The following CMKLR2 variants were observed in gnomAD, a reference collection of about 807,000 sequenced individuals.
CMKLR2 encodes the protein chemerin chemokine-like receptor 2.
Under a neutral mutation model 23.0 loss-of-function variants are expected in CMKLR2, and 18 were observed. The observed-to-expected ratio is 0.78, with a 90% confidence interval of 0.54 to 1.16. The LOEUF (loss-of-function observed/expected upper bound fraction) is 1.16. Ranked by LOEUF, CMKLR2 falls within the 50% of genes most tolerant of loss-of-function variation. The pLI, the probability that CMKLR2 is intolerant of heterozygous loss-of-function variation, is 0.00. For synonymous variants in CMKLR2, 158 were observed against 158.9 expected (o/e 0.99, Z 0.05); for missense variants, 401 against 412.7 (o/e 0.97, Z 0.25).
At chr2:206,181,441 A>C (rs950870096) in intron 1 of CMKLR2, among the ~76,000 whole-genome samples, 3 of 151,798 alleles carry the variant, frequency 2.0e-5, no homozygotes, top group African/African-American at 7.3e-5. Flanking sequence ...ATTCCTCCCA[A>C]CTCAGCCTCC....
At chr2:206,207,149 A>ATT (rs3081587) in intron 1 of CMKLR2, among the ~76,000 whole-genome samples, 104,834 of 137,698 alleles carry the variant, frequency 0.76, 40,212 homozygotes, top group Non-Finnish European at 0.81. Context: ...GTTGCTTATA[A>ATT]TTTTTTTTTT....
At chr2:206,177,385 A>G (rs1156354279) in intron 1 of CMKLR2, 110 bp from the exon 2 acceptor site, 1 of 609,450 alleles carries the variant, frequency 1.6e-6, no homozygotes, top group East Asian at 2.9e-5. Context: ...GACCAGACAT[A>G]GTATTATTTT....
At chr2:206,205,843 G>A (rs1689296340) in intron 1 of CMKLR2, among the ~76,000 whole-genome samples, 1 of 151,956 alleles carries the variant, frequency 6.6e-6, no homozygotes, top group African/African-American at 2.4e-5. Flanking sequence ...GGGATTACAG[G>A]CATATGCCAC....
chr2:206,200,642 T>G (rs2105826913), intron 1 of CMKLR2, among the ~76,000 whole-genome samples: 1 of 152,340 alleles, frequency 6.6e-6, no homozygotes, highest in African/African-American at 2.4e-5. Flanking sequence ...TTTATTTATT[T>G]TTATAGAGAT....
At chr2:206,179,375 T>A (rs1479904791) in intron 1 of CMKLR2, among the ~76,000 whole-genome samples, 1 of 71,294 alleles carries the variant, frequency 1.4e-5, no homozygotes, top group Non-Finnish European at 2.7e-5. Flanking sequence ...GCACCCAGCC[T>A]TTTTTTTTTT....
At chr2:206,193,045 T>C (rs1159544269) in intron 1 of CMKLR2, among the ~76,000 whole-genome samples, 1 of 152,056 alleles carries the variant, frequency 6.6e-6, no homozygotes, top group Non-Finnish European at 1.5e-5. Context: ...CAGCCATTGA[T>C]TTTTTTTCTT....
chr2:206,197,822 C>T (rs368694728), intron 1 of CMKLR2, among the ~76,000 whole-genome samples: 5 of 152,206 alleles, frequency 3.3e-5, no homozygotes, highest in African/African-American at 1.2e-4. Flanking sequence ...AGCCACCATG[C>T]TCAACCCAGT....
upstream of CMKLR2, among the ~76,000 whole-genome samples, chr2:206,215,538 G>A (rs193229360): frequency 6.6e-6 from 1 of 152,130 alleles, no homozygotes; most frequent in South Asian, 2.1e-4. Flanking sequence ...TGAAACCCAG[G>A]AAAGTGTAAG....
intron 1 of CMKLR2, among the ~76,000 whole-genome samples, chr2:206,208,021 T>C (rs979173590): frequency 1.3e-5 from 2 of 152,064 alleles, no homozygotes; most frequent in African/African-American, 2.4e-5. Context: ...ATTACAGACG[T>C]AAGCCACCAC....
At chr2:206,184,457 C>T (rs186375416) in intron 1 of CMKLR2, among the ~76,000 whole-genome samples, 35 of 152,064 alleles carry the variant, frequency 2.3e-4, no homozygotes, top group Admixed American at 1.5e-3. Context: ...CCACCACATA[C>T]GGCTAATTTT....
chr2:206,185,889 T>C lies in CMKLR2; in HGVS notation c.-28-8614A>G, dbSNP rs370089787. 6.6e-5 allele frequency among the ~76,000 whole-genome samples: 10 copies of C among 152,268 alleles called. No individual in the cohort carries two copies. In the South Asian group the frequency reaches 8.3e-4, roughly 13 times the overall value. ...AGGCCTTATACATCCCCTTTCCTCC[T>C]CTTCTCATGGGCTAGAATATAGATG... On this transcript the variant is annotated intron_variant, in intron 1 of 1. Transcript: ENST00000621141.
At chr2:206,186,753 G>A (rs966390773) in intron 1 of CMKLR2, among the ~76,000 whole-genome samples, 49 of 151,414 alleles carry the variant, frequency 3.2e-4, no homozygotes, top group Non-Finnish European at 4.9e-4. Context: ...TGACTATGGT[G>A]GGTTAAAGAG....
chr2:206,177,680 C>T (rs1474129227), intron 1 of CMKLR2, among the ~76,000 whole-genome samples: 1 of 152,166 alleles, frequency 6.6e-6, no homozygotes, highest in African/African-American at 2.4e-5. Flanking sequence ...AGCAACTATA[C>T]CCAGCAAATA....
chr2:206,176,966 G>A lies in CMKLR2; in HGVS notation c.282C>T (p.Ile94=), dbSNP rs748019246. The A allele has an allele frequency of 9.3e-6, 15 of 1,614,218 alleles. No individual in the cohort carries two copies. In the Middle Eastern group the frequency reaches 6.6e-4, roughly 71 times the overall value. The change falls in exon 2 of 2, where the codon ATC becomes ATT. Residue 94 remains isoleucine, a synonymous_variant. Coordinates refer to ENST00000621141, the MANE Select transcript of CMKLR2 (RefSeq NM_001389445.1). ...AGTGGAAATTCATGGCCACATAGGAGATGTACAGGGGCAGAAAGAGAAGAA... is the reference window on the plus strand; with the variant it reads ...AGTGGAAATTCATGGCCACATAGGAAATGTACAGGGGCAGAAAGAGAAGAA... ...FIFLLFLPLY[I]SYVAMNFHWP... is the part of the protein sequence containing the mutation.
upstream of CMKLR2, among the ~76,000 whole-genome samples, chr2:206,214,756 T>A (rs1335448306): frequency 6.6e-6 from 1 of 152,008 alleles, no homozygotes; most frequent in Admixed American, 6.6e-5. Context: ...CCCGAGTAGC[T>A]GGGACTGCAG....
At chr2:206,211,602 T>A (rs1689564435) in intron 1 of CMKLR2, among the ~76,000 whole-genome samples, 1 of 152,082 alleles carries the variant, frequency 6.6e-6, no homozygotes. Flanking sequence ...GAACAGTTAC[T>A]GTCACTAAAA....
At chr2:206,208,626 T>C (rs1689426622) in intron 1 of CMKLR2, among the ~76,000 whole-genome samples, 1 of 152,040 alleles carries the variant, frequency 6.6e-6, no homozygotes, top group Admixed American at 6.6e-5. Context: ...AATATTTACA[T>C]ATATAAATAT....
intron 1 of CMKLR2, among the ~76,000 whole-genome samples, chr2:206,189,913 T>C (rs1372754321): frequency 2.0e-5 from 3 of 152,064 alleles, no homozygotes; most frequent in Non-Finnish European, 2.9e-5. Flanking sequence ...TTGGCATCAG[T>C]AGAGTATTTT....
chr2:206,179,779 C>A (rs1188468431), intron 1 of CMKLR2, among the ~76,000 whole-genome samples: 2 of 151,996 alleles, frequency 1.3e-5, no homozygotes, highest in African/African-American at 2.4e-5. Context: ...GAATGAAGAT[C>A]AAGCAGAAAA....
Sources: gnomAD v4.1 joint callset for allele counts (sites outside exome capture counted in the v4.1 genomes callset) on GRCh38, gnomAD v4.1.1 for gene constraint, MANE v1.5 for transcripts, NCBI Gene and HGNC (gene_info 2026-07-23, HGNC 2026-07-21) for gene names.